The following ZPBP variants were observed in gnomAD, a reference collection of about 807,000 sequenced individuals.
ZPBP encodes zona pellucida-binding protein 1.
Under a neutral mutation model 44.8 loss-of-function variants are expected in ZPBP, and 26 were observed. That is an observed-to-expected ratio of 0.58 (90% confidence interval 0.43 to 0.81). The LOEUF (loss-of-function observed/expected upper bound fraction) is 0.81, where lower values mean the gene tolerates loss of function less well. ZPBP is among the 30% of genes least tolerant of loss of function. ZPBP has a pLI of 0.00. For missense variants in ZPBP, 409 were observed against 434.0 expected (o/e 0.94, Z 0.51); for synonymous variants, 174 against 153.2 (o/e 1.14, Z -1.00).
chr7:50,046,533 CAT>C (rs764346211), intron 4 of ZPBP, among the ~76,000 whole-genome samples: 10 of 151,778 alleles, frequency 6.6e-5, no homozygotes, highest in African/African-American at 2.4e-4. Context: ...GGACAACAAA[CAT>C]ATGAAAAAAA....
intron 7 of ZPBP, among the ~76,000 whole-genome samples, chr7:49,957,244 C>A (rs1298419337): frequency 6.6e-6 from 1 of 152,168 alleles, no homozygotes; most frequent in Admixed American, 6.5e-5. Flanking sequence ...ATTACAAAGT[C>A]TCAGATATTC....
At position 50,018,321 on chromosome 7, in the gene ZPBP, G is replaced by A. The variant is rs776459015; in HGVS notation, c.707-5C>T. On this transcript the variant is annotated splice_polypyrimidine_tract_variant and splice_region_variant and intron_variant, in intron 5 of 7. Coordinates refer to ENST00000046087, the MANE Select transcript of ZPBP (RefSeq NM_007009.3). Reference sequence around the variant, plus strand: ...TTTCAGTGTCTAGAGATGAAACTGAGAAAATATATTATATTTTATCATGGG... The same window carrying A: ...TTTCAGTGTCTAGAGATGAAACTGAAAAAATATATTATATTTTATCATGGG... The A allele has an allele frequency of 1.2e-5, 19 of 1,582,810 alleles. No homozygotes were observed. In the South Asian group the frequency reaches 1.8e-4, roughly 15 times the overall value.
chr7:49,999,843 A>G (rs1455915443), intron 6 of ZPBP, among the ~76,000 whole-genome samples: 1 of 152,180 alleles, frequency 6.6e-6, no homozygotes, highest in Non-Finnish European at 1.5e-5. Context: ...ACCAGAAATA[A>G]TGGTGTACCA....
intron 6 of ZPBP, among the ~76,000 whole-genome samples, chr7:50,000,922 G>A (rs529569450): frequency 6.6e-6 from 1 of 152,122 alleles, no homozygotes; most frequent in African/African-American, 2.4e-5. Context: ...GGTAATTAGG[G>A]TAAAATGAGG....
intron 2 of ZPBP, among the ~76,000 whole-genome samples, chr7:50,087,439 A>T (rs1474668402): frequency 2.6e-5 from 4 of 152,070 alleles, no homozygotes; most frequent in Non-Finnish European, 5.9e-5. Flanking sequence ...ACATGGAGAA[A>T]AAGCATTTAG....
intron 2 of ZPBP, among the ~76,000 whole-genome samples, chr7:49,868,895 G>A (rs1038980990): frequency 6.6e-6 from 1 of 152,108 alleles, no homozygotes; most frequent in Non-Finnish European, 1.5e-5. Context: ...CTGGGATTAC[G>A]GGCATGAGCC....
intron 4 of ZPBP, among the ~76,000 whole-genome samples, chr7:50,055,115 G>T (rs1179788170): frequency 6.6e-6 from 1 of 152,236 alleles, no homozygotes; most frequent in Middle Eastern, 3.4e-3. Flanking sequence ...CTTTCTGAAA[G>T]ACTAACAACT....
intron 2 of ZPBP, among the ~76,000 whole-genome samples, chr7:49,890,186 T>C (rs953074597): frequency 6.6e-6 from 1 of 152,186 alleles, no homozygotes; most frequent in Non-Finnish European, 1.5e-5. Context: ...AACAACTGCA[T>C]AAGTAGCAAA....
intron 1 of ZPBP, among the ~76,000 whole-genome samples, chr7:49,902,333 A>G (rs1019588406): frequency 6.6e-6 from 1 of 152,080 alleles, no homozygotes; most frequent in South Asian, 2.1e-4. Flanking sequence ...AATAGAATAA[A>G]GAGGGAAGAA....
chr7:50,045,515 C>CAGAG (rs1287854497), intron 4 of ZPBP, among the ~76,000 whole-genome samples: 1 of 150,780 alleles, frequency 6.6e-6, no homozygotes, highest in Non-Finnish European at 1.5e-5. Flanking sequence ...AATAGACAAA[C>CAGAG]AGCCAAATCA....
At chr7:50,013,486 AT>A (rs1798677447) in intron 6 of ZPBP, among the ~76,000 whole-genome samples, 1 of 152,014 alleles carries the variant, frequency 6.6e-6, no homozygotes, top group Non-Finnish European at 1.5e-5. Flanking sequence ...GTCTTCTTAT[AT>A]TTATTATTAT....
intron 6 of ZPBP, among the ~76,000 whole-genome samples, chr7:49,984,707 C>A (rs1191924581): frequency 6.6e-6 from 1 of 152,146 alleles, no homozygotes; most frequent in Non-Finnish European, 1.5e-5. Context: ...GGCCTGTTTC[C>A]TATCAGGCCA....
At chr7:50,044,088 CAGAAAT>C (rs2128819686) in intron 4 of ZPBP, among the ~76,000 whole-genome samples, 1 of 152,180 alleles carries the variant, frequency 6.6e-6, no homozygotes, top group South Asian at 2.1e-4. Flanking sequence ...AAAATTAAGG[CAGAAAT>C]AAATAAGTTC....
intron 4 of ZPBP, among the ~76,000 whole-genome samples, chr7:50,034,431 A>G (rs981156579): frequency 1.3e-5 from 2 of 152,280 alleles, no homozygotes; most frequent in Admixed American, 1.3e-4. Flanking sequence ...CACCTGATTC[A>G]AACTACAATC....
In ZPBP at chr7:49,969,810, T is replaced by G. The variant is rs1263248176; in HGVS notation, c.961+13532A>C. On this transcript the variant is annotated intron_variant, in intron 7 of 7. Transcript: ENST00000046087. ...AAGTTTATGTTAATAAATGTATATA[T>G]ATATATATAGAGAGAGAGAGAGAGA... Among the ~76,000 whole-genome samples, 44 of 113,092 alleles carry G rather than the reference T, an allele frequency of 3.9e-4. 1 individual carries two copies. The South Asian group carries it at 6.6e-3, about 17-fold the overall frequency. The allele number at this position is 113,092 out of a possible 152,430, so 74.2% of individuals were successfully genotyped here. A position where few individuals can be genotyped will look rare whatever the true frequency, so the allele number is the denominator to read the frequency against.
intron 7 of ZPBP, among the ~76,000 whole-genome samples, chr7:49,969,426 T>C (rs988862154): frequency 6.7e-6 from 1 of 148,260 alleles, no homozygotes; most frequent in African/African-American, 2.5e-5. Context: ...AATGATATCA[T>C]AACCAATATA....
At chr7:50,089,800 G>C in intron 1 of ZPBP, 91 bp from the exon 2 acceptor site, 1 of 1,000,348 alleles carries the variant, frequency 1.0e-6, no homozygotes, top group Non-Finnish European at 1.5e-6. Context: ...TGGTTGAAGG[G>C]GAGAGCCATA....
chr7:49,981,085 T>A (rs933435071), intron 7 of ZPBP, among the ~76,000 whole-genome samples: 1 of 148,236 alleles, frequency 6.7e-6, no homozygotes, highest in African/African-American at 2.5e-5. Context: ...AACAAAGAAA[T>A]AACTGCCAAC....
At chr7:50,047,675 A>C (rs911491201) in intron 4 of ZPBP, among the ~76,000 whole-genome samples, 3 of 152,008 alleles carry the variant, frequency 2.0e-5, no homozygotes, top group Admixed American at 1.3e-4. Flanking sequence ...AAAAAAAAAA[A>C]AAAACCCAAA....
Sources: gnomAD v4.1 joint callset for allele counts (sites outside exome capture counted in the v4.1 genomes callset) on GRCh38, gnomAD v4.1.1 for gene constraint, MANE v1.5 for transcripts, NCBI Gene and HGNC (gene_info 2026-07-23, HGNC 2026-07-21) for gene names.